MOXD1: variants seen among roughly 807,000 people sequenced by gnomAD.
MOXD1 encodes the protein monooxygenase DBH like 1, also known as DBH-like monooxygenase protein 1.
MOXD1 carries 62 observed loss-of-function variants against 66.6 expected under a neutral mutation model. That is an observed-to-expected ratio of 0.93 (90% CI 0.76 to 1.15). The LOEUF is 1.15. MOXD1 is among the 50% of genes most tolerant of loss of function. The pLI, the probability that MOXD1 is intolerant of heterozygous loss-of-function variation, is 0.00. For synonymous variants in MOXD1, 303 were observed against 281.9 expected (o/e 1.07, Z -0.75); for missense variants, 847 against 754.6 (o/e 1.12, Z -1.44).
chr6:132,373,931 C>T (rs1026749685), intron 2 of MOXD1, among the ~76,000 whole-genome samples: 2 of 152,074 alleles, frequency 1.3e-5, no homozygotes, highest in African/African-American at 2.4e-5. Context: ...ATTTTTTCTG[C>T]CTCGTTCACT....
chr6:132,357,546 C>A (rs1775932291), intron 4 of MOXD1, among the ~76,000 whole-genome samples: 1 of 144,832 alleles, frequency 6.9e-6, no homozygotes, highest in African/African-American at 2.7e-5. Context: ...TATAAAGGAA[C>A]TAATATACCA....
intron 2 of MOXD1, among the ~76,000 whole-genome samples, 187 bp from the exon 3 acceptor site, chr6:132,373,184 T>C (rs1433056817): frequency 6.6e-6 from 1 of 152,210 alleles, no homozygotes; most frequent in African/African-American, 2.4e-5. Flanking sequence ...AGGATCCAAA[T>C]ATATGAGTTA....
At chr6:132,390,624 G>A (rs1334876223) in intron 1 of MOXD1, 3 of 151,546 alleles carry the variant, frequency 2.0e-5, no homozygotes, top group Non-Finnish European at 4.4e-5. Flanking sequence ...TTCAGTAAAT[G>A]AACATTCCAA....
At chr6:132,298,891 T>G (rs951570689) in intron 10 of MOXD1, among the ~76,000 whole-genome samples, 1 of 152,134 alleles carries the variant, frequency 6.6e-6, no homozygotes, top group Non-Finnish European at 1.5e-5. Context: ...AAAACAGAAC[T>G]ACCATTCAAC....
Position 132,297,931 on chromosome 6 carries a change from A to G in MOXD1, c.1533T>C (p.Ser511=). 4 of 1,609,852 alleles carry G rather than the reference A, an allele frequency of 2.5e-6. No individual in the cohort carries two copies. Among genetic ancestry groups the G allele is most frequent in the Non-Finnish European group, 3.4e-6 (4 of 1,178,680 alleles). The change falls in exon 11 of 12, where the codon AGT becomes AGC. Residue 511 remains serine, a synonymous_variant. Coordinates refer to ENST00000367963, the MANE Select transcript of MOXD1 (RefSeq NM_015529.4). ...AAGAAAGGTTTTTATATTGCTTGGG[A>G]CTTTTGATAATGAAAGGCCAGGTCC... ...PVTTWPFIIK[S]PKQYKNLSFM...
chr6:132,321,422 T>C (rs1177290606), intron 8 of MOXD1, among the ~76,000 whole-genome samples: 1 of 152,250 alleles, frequency 6.6e-6, no homozygotes, highest in South Asian at 2.1e-4. Context: ...TAAAGGTCTC[T>C]AGTCATGCCT....
chr6:132,375,860 GT>G (rs1214681825), intron 1 of MOXD1, among the ~76,000 whole-genome samples: 3 of 152,128 alleles, frequency 2.0e-5, no homozygotes, highest in Non-Finnish European at 4.4e-5. Context: ...GAAAGCTTAA[GT>G]TTTAACATTA....
intron 10 of MOXD1, among the ~76,000 whole-genome samples, chr6:132,305,839 C>T (rs1348235206): frequency 2.0e-5 from 3 of 152,152 alleles, no homozygotes; most frequent in Non-Finnish European, 4.4e-5. Flanking sequence ...AAAAAGCACT[C>T]ACAAAAACCC....
intron 4 of MOXD1, among the ~76,000 whole-genome samples, chr6:132,364,802 T>C (rs940706476): frequency 9.9e-5 from 15 of 152,136 alleles, no homozygotes; most frequent in African/African-American, 3.1e-4. Flanking sequence ...ACAGCTAACA[T>C]ACGAGGCAAA....
chr6:132,318,457 G>C (rs958834123), intron 9 of MOXD1, among the ~76,000 whole-genome samples: 5 of 151,974 alleles, frequency 3.3e-5, no homozygotes, highest in African/African-American at 1.2e-4. Context: ...TATATTTATA[G>C]TATCTATTAT....
intron 4 of MOXD1, among the ~76,000 whole-genome samples, chr6:132,342,216 G>T (rs1215367854): frequency 1.3e-5 from 2 of 152,140 alleles, no homozygotes; most frequent in Non-Finnish European, 2.9e-5. Context: ...TGGCCAGGCT[G>T]GTCTCAAACT....
chr6:132,328,797 C>T (rs974372137), intron 4 of MOXD1, among the ~76,000 whole-genome samples: 2 of 152,114 alleles, frequency 1.3e-5, no homozygotes, highest in African/African-American at 4.8e-5. Flanking sequence ...ACGGCAACAA[C>T]AAAGATGAGA....
chr6:132,312,534 G>A (rs543150288), intron 10 of MOXD1, among the ~76,000 whole-genome samples: 44 of 152,054 alleles, frequency 2.9e-4, no homozygotes, highest in Admixed American at 1.5e-3. Flanking sequence ...TTTTTAAATA[G>A]AGGCTCTTTT....
intron 4 of MOXD1, among the ~76,000 whole-genome samples, chr6:132,340,230 G>C (rs1775523707): frequency 6.6e-6 from 1 of 152,040 alleles, no homozygotes; most frequent in African/African-American, 2.4e-5. Flanking sequence ...TAAGGGATTT[G>C]CTTCAAATAA....
At chr6:132,397,324 C>T (rs892677856) in intron 1 of MOXD1, among the ~76,000 whole-genome samples, 1 of 152,216 alleles carries the variant, frequency 6.6e-6, no homozygotes, top group African/African-American at 2.4e-5. Context: ...GAATAGACAG[C>T]CAGAACAATG....
intron 4 of MOXD1, among the ~76,000 whole-genome samples, chr6:132,348,060 C>A (rs1775703146): frequency 6.6e-6 from 1 of 152,018 alleles, no homozygotes. Context: ...AGGTAGATAC[C>A]CCCGACTCCA....
chr6:132,328,394 C>G, intron 5 of MOXD1, 21 bp downstream of exon 5: 1 of 1,612,292 alleles, frequency 6.2e-7, no homozygotes, highest in Non-Finnish European at 8.5e-7. Context: ...TGTGTTACAT[C>G]TCAGTAATCA....
chr6:132,312,795 AC>A (rs1774859287), intron 10 of MOXD1, among the ~76,000 whole-genome samples: 1 of 151,376 alleles, frequency 6.6e-6, no homozygotes, highest in Non-Finnish European at 1.5e-5. Flanking sequence ...GAGGCTTCAT[AC>A]CATTTAAACT....
rs988928242 is a variant in MOXD1, at chr6:132,303,856, T to C, written c.1509-5901A>G. On this transcript the variant is annotated intron_variant, in intron 10 of 11. Transcript: ENST00000367963. ...GTGTGTATATATATATATATATATA[T>C]ATATATATATATATATATATATACA... 4.2e-5 allele frequency among the ~76,000 whole-genome samples: 3 copies of C among 72,142 alleles called. 1 individual carries two copies. The highest frequency in any genetic ancestry group is 1.3e-3 in the East Asian group (2 of 1,508). 47.3% of individuals were successfully genotyped at this position (72,142 alleles called of 152,430 possible).
Sources: allele counts gnomAD v4.1 joint callset (sites outside exome capture counted in the v4.1 genomes callset), GRCh38; gene constraint gnomAD v4.1.1; transcripts MANE v1.5; gene names NCBI Gene and HGNC (gene_info 2026-07-23, HGNC 2026-07-21).